The following REPS1 variants were observed in gnomAD, a reference collection of about 807,000 sequenced individuals.
REPS1 encodes RALBP1 associated Eps domain containing 1.
REPS1 carries 39 observed loss-of-function variants against 100.9 expected under a neutral mutation model. The observed-to-expected ratio is 0.39, with a 90% CI of 0.30 to 0.50. The LOEUF is 0.50. REPS1 is among the 20% of genes least tolerant of loss of function. The pLI is 0.86. For missense variants in REPS1, 821 were observed against 968.5 expected, an observed-to-expected ratio of 0.85 and a Z score of 2.02; for synonymous variants, 324 against 340.3, an observed-to-expected ratio of 0.95 and a Z score of 0.53.
intron 7 of REPS1, 57 bp from the exon 8 acceptor site, chr6:138,941,546 C>T: frequency 6.7e-7 from 1 of 1,492,762 alleles, no homozygotes; most frequent in African/African-American, 1.4e-5. Flanking sequence ...CCTTTTATTT[C>T]TCAAAAAGAA....
intron 2 of REPS1, among the ~76,000 whole-genome samples, chr6:138,947,545 C>A (rs1463739632): frequency 6.6e-6 from 1 of 152,092 alleles, no homozygotes; most frequent in Non-Finnish European, 1.5e-5. Context: ...TAAAAAATTG[C>A]CATTTGAACA....
intron 19 of REPS1, among the ~76,000 whole-genome samples, chr6:138,906,935 AAAG>A (rs1438391219): frequency 7.9e-5 from 12 of 152,284 alleles, no homozygotes; most frequent in African/African-American, 2.4e-4. Flanking sequence ...TTGACTCAAT[AAAG>A]AAGGAGTAAG....
intron 8 of REPS1, chr6:138,934,318 G>T (rs1781667679): frequency 2.1e-6 from 1 of 470,886 alleles, no homozygotes; most frequent in African/African-American, 2.0e-5. Flanking sequence ...CATCATCAGA[G>T]CATCAGGGCT....
chr6:138,959,637 T>C (rs1319983453), intron 1 of REPS1, among the ~76,000 whole-genome samples: 1 of 152,172 alleles, frequency 6.6e-6, no homozygotes, highest in East Asian at 1.9e-4. Context: ...CCTAGTCTGA[T>C]CGACTTATAA....
chr6:138,909,021 T>G (rs1398408431), intron 17 of REPS1: 1 of 531,230 alleles, frequency 1.9e-6, no homozygotes, highest in Non-Finnish European at 3.3e-6. Flanking sequence ...CAATCATGAA[T>G]GTACCTGCAA....
Position 138,911,002 on chromosome 6 carries a change from G to T in REPS1, c.2067+274C>A, listed in dbSNP as rs112472286. ...TATTATATTGAAGACTACAATAAAA[G>T]AAACTGAATTTCACCTATAAAGAAG... On this transcript the variant is annotated intron_variant, in intron 17 of 19. Coordinates refer to ENST00000450536, the MANE Select transcript of REPS1 (RefSeq NM_001286611.2). The T allele has an allele frequency of 6.8e-3, 1,714 of 252,976 alleles. 22 individuals carry two copies. Among genetic ancestry groups the T allele is most frequent in the African/African-American group, 0.036 (1,605 of 44,752 alleles). The allele number at this position is 252,976 out of a possible 1,614,324, so 15.7% of individuals were successfully genotyped here.
chr6:138,914,224 CA>C (rs1780204245), intron 15 of REPS1, among the ~76,000 whole-genome samples: 1 of 151,086 alleles, frequency 6.6e-6, no homozygotes, highest in Admixed American at 6.5e-5. Flanking sequence ...TGCACACCAC[CA>C]CACCCAGCTA....
intron 8 of REPS1, among the ~76,000 whole-genome samples, chr6:138,930,407 T>C (rs774010062): frequency 1.5e-4 from 23 of 152,162 alleles, no homozygotes; most frequent in Non-Finnish European, 3.2e-4. Context: ...AGAAATAGAT[T>C]TATACCAGTT....
rs1356240597 is a variant in REPS1 at position 138,920,263 on chromosome 6, C to T, written c.1480G>A (p.Glu494Lys). 5 of 1,603,940 alleles carry T rather than the reference C, an allele frequency of 3.1e-6. No individual in the cohort carries two copies. The South Asian group carries it at 5.5e-5, about 18-fold the overall frequency. The change falls in exon 12 of 20, where the codon GAA (glutamate) becomes AAA (lysine). Residue 494 changes from glutamate (E) to lysine (K), a missense_variant. Physicochemically the swap from Glu to Lys is moderately conservative, Grantham distance 56. This residue lies in a region of REPS1 where 757 missense variants were observed against 866.4 expected (regional missense o/e 0.87). Coordinates refer to ENST00000450536, the MANE Select transcript of REPS1 (RefSeq NM_001286611.2). The part of the protein sequence containing the change: ...LLVKPSDLLE[E>K]NKINSSVKFA... ...TTCACCGATGAATTTATCTTATTTTCTTCTAAAAGGTCAGATGGTTTCACA... is the reference window on the plus strand; with the variant it reads ...TTCACCGATGAATTTATCTTATTTTTTTCTAAAAGGTCAGATGGTTTCACA...
chr6:138,928,611 A>C (rs1304486630), intron 9 of REPS1: 1 of 152,186 alleles, frequency 6.6e-6, no homozygotes, highest in African/African-American at 2.4e-5. Flanking sequence ...AGGGACTTCC[A>C]TTTCTGTCTC....
rs748564575 is a variant in REPS1 at position 138,931,696 on chromosome 6, G to C, written c.1136-1598C>G. Among the ~76,000 whole-genome samples, 5 of 152,108 alleles carry C rather than the reference G, an allele frequency of 3.3e-5. No individual in the cohort carries two copies. The East Asian group carries it at 5.8e-4, about 18-fold the overall frequency. ...TGAAGACCTCAACTCAAAGTTCTTA[G>C]AGAAGAACTTATGAAAAAATTATTT... On this transcript the variant is annotated intron_variant, in intron 8 of 19. Coordinates refer to ENST00000450536, the MANE Select transcript of REPS1 (RefSeq NM_001286611.2).
intron 1 of REPS1, among the ~76,000 whole-genome samples, chr6:138,966,852 C>A (rs1784053308): frequency 1.3e-5 from 2 of 152,130 alleles, no homozygotes; most frequent in Admixed American, 6.5e-5. Flanking sequence ...TCTCTGAATG[C>A]AAATTTCCTT....
intron 1 of REPS1, among the ~76,000 whole-genome samples, chr6:138,969,226 G>A (rs1043971770): frequency 7.0e-6 from 1 of 142,442 alleles, no homozygotes; most frequent in Non-Finnish European, 1.5e-5. Flanking sequence ...AAAACTTTCT[G>A]CCCTAGTTGC....
intron 10 of REPS1, among the ~76,000 whole-genome samples, chr6:138,924,949 C>CT (rs1315549892): frequency 5.3e-5 from 8 of 152,260 alleles, no homozygotes; most frequent in African/African-American, 1.7e-4. Context: ...TCCTTGAATA[C>CT]TTAATAGACA....
chr6:138,963,793 A>G (rs17068186), intron 1 of REPS1, among the ~76,000 whole-genome samples: 13,396 of 152,216 alleles, frequency 0.088, 1,234 homozygotes, highest in African/African-American at 0.23. Context: ...CTTCGGGTAC[A>G]TACTAATCTC....
At chr6:138,955,626 C>G (rs1178159342) in intron 1 of REPS1, among the ~76,000 whole-genome samples, 1 of 151,870 alleles carries the variant, frequency 6.6e-6, no homozygotes, top group Non-Finnish European at 1.5e-5. Context: ...CAAGGAATAT[C>G]AGCCCAGAGA....
chr6:138,987,772 C>T lies in REPS1; in HGVS notation c.-90G>A. 7.3e-7 allele frequency: 1 copy of T among 1,371,618 alleles called. No homozygotes were observed. Among genetic ancestry groups the T allele is most frequent in the Non-Finnish European group, 9.5e-7 (1 of 1,056,900 alleles). 85.0% of individuals were successfully genotyped at this position (1,371,618 alleles called of 1,614,324 possible). ...TGGGCCGGCAGGGGCTGCGCGTGGCCCGGCCTCCTGCTAGCTTCCCGAAAA... is the reference window on the plus strand; with the variant it reads ...TGGGCCGGCAGGGGCTGCGCGTGGCTCGGCCTCCTGCTAGCTTCCCGAAAA... On this transcript the variant is annotated 5_prime_UTR_variant, in exon 1 of 20. Transcript: ENST00000450536.
intron 7 of REPS1, 105 bp downstream of exon 7, chr6:138,943,408 A>G (rs1056141805): frequency 4.8e-6 from 3 of 624,734 alleles, no homozygotes; most frequent in Admixed American, 2.8e-5. Flanking sequence ...CTTTGACAGC[A>G]TTCTTGAAGG....
intron 18 of REPS1, among the ~76,000 whole-genome samples, chr6:138,908,300 T>C (rs933178725): frequency 2.6e-5 from 4 of 152,108 alleles, no homozygotes; most frequent in Admixed American, 1.3e-4. Context: ...TTATTGTTAT[T>C]ATTATTATTT....
Sources: allele counts gnomAD v4.1 joint callset (sites outside exome capture counted in the v4.1 genomes callset), GRCh38; gene constraint gnomAD v4.1.1; regional missense constraint gnomAD v4.1.1; transcripts MANE v1.5; gene names NCBI Gene and HGNC (gene_info 2026-07-23, HGNC 2026-07-21).